GTF2H3: variants seen among roughly 807,000 people sequenced by gnomAD.
GTF2H3 encodes the protein general transcription factor IIH subunit 3, also known as TFIIH basal transcription factor complex p34 subunit.
Under a neutral mutation model 51.1 loss-of-function variants are expected in GTF2H3, and 42 were observed. The ratio of observed to expected loss-of-function variants is 0.82; its 90% CI spans 0.64 to 1.06. The LOEUF is 1.06. Ranked by LOEUF, GTF2H3 falls within the 50% of genes least tolerant of loss-of-function variation. GTF2H3 has a pLI of 0.00. For synonymous variants in GTF2H3, 123 were observed against 123.8 expected, an observed-to-expected ratio of 0.99 and a Z score of 0.04; for missense variants, 326 against 366.1, an observed-to-expected ratio of 0.89 and a Z score of 0.89.
intron 9 of GTF2H3, among the ~76,000 whole-genome samples, chr12:123,658,995 C>T (rs1203953840): frequency 1.3e-5 from 2 of 152,116 alleles, no homozygotes; most frequent in Admixed American, 6.5e-5. Flanking sequence ...AAATCAAAAC[C>T]ACAATGAGCT....
rs902990916 is a variant in GTF2H3, at chr12:123,661,210, A to T, written c.*975A>T. On this transcript the variant is annotated 3_prime_UTR_variant, in exon 13 of 13. Transcript: ENST00000543341. The stretch of plus-strand genomic sequence containing the variant: ...AAAAGTGTTTATAAGTTCAAAAGCA[A>T]AAGTATTTGTAATTTCAACAACAAA... 3.3e-5 allele frequency: 5 copies of T among 152,240 alleles called. No homozygotes were observed. Among genetic ancestry groups the T allele is most frequent in the African/African-American group, 1.2e-4 (5 of 41,468 alleles). The allele number at this position is 152,240 out of a possible 1,614,324, so 9.4% of individuals were successfully genotyped here. A position where few individuals can be genotyped will look rare whatever the true frequency, so the allele number is the denominator to read the frequency against.
intron 1 of GTF2H3, among the ~76,000 whole-genome samples, chr12:123,638,553 G>C (rs1450414732): frequency 1.3e-5 from 2 of 152,098 alleles, no homozygotes; most frequent in Middle Eastern, 3.4e-3. Context: ...CAAGCCATCT[G>C]CCTGTCTTGG....
intron 8 of GTF2H3, 88 bp downstream of exon 8, chr12:123,655,086 G>T: frequency 2.1e-6 from 2 of 963,866 alleles, no homozygotes; most frequent in South Asian, 2.6e-5. Flanking sequence ...GAGGTATTCT[G>T]ACTACGTAGG....
chr12:123,645,242 G>GT (rs1215263921), intron 2 of GTF2H3, among the ~76,000 whole-genome samples: 5 of 151,648 alleles, frequency 3.3e-5, no homozygotes, highest in Non-Finnish European at 5.9e-5. Context: ...AGCTAGTTTT[G>GT]TTTTTTTTAT....
Position 123,648,020 on chromosome 12 carries a change from C to T in GTF2H3, c.258C>T (p.Gly86=), listed in dbSNP as rs773923878. 2.8e-5 allele frequency: 45 copies of T among 1,612,188 alleles called. No homozygotes were observed. The highest frequency in any genetic ancestry group is 3.3e-4 in the Middle Eastern group (2 of 6,084). Residue 86 remains glycine (G), a synonymous_variant, in exon 4 of 13, where the codon GGC becomes GGT. Coordinates refer to ENST00000543341, the MANE Select transcript of GTF2H3 (RefSeq NM_001516.5). ...TTGGAGACTTCTTCGGAGACCCTGG[C>T]AACCCTCCTGAATTTAATCCCTCTG... ...GRLGDFFGDP[G]NPPEFNPSGS...
chr12:123,652,525 A>G lies in GTF2H3; in HGVS notation c.428-7A>G. ...ATTTTTGTATTCCTTAATGTTAAGA[A>G]ATTAAGACATTCATAGAATGAACAA... On this transcript the variant is annotated splice_region_variant and splice_polypyrimidine_tract_variant and intron_variant, in intron 5 of 12. Transcript: ENST00000543341. 7.1e-7 allele frequency: 1 copy of G among 1,400,954 alleles called. No individual in the cohort carries two copies. The highest frequency in any genetic ancestry group is 9.9e-7 in the Non-Finnish European group (1 of 1,012,882). The allele number at this position is 1,400,954 out of a possible 1,614,324, so 86.8% of individuals were successfully genotyped here.
chr12:123,656,793 AAAAT>A (rs1363367553), intron 9 of GTF2H3, among the ~76,000 whole-genome samples: 1 of 152,190 alleles, frequency 6.6e-6, no homozygotes, highest in Non-Finnish European at 1.5e-5. Flanking sequence ...TTCTGCCTTT[AAAAT>A]ATATCCTGGC....
chr12:123,641,178 A>C (rs11572938), intron 2 of GTF2H3, among the ~76,000 whole-genome samples: 1,683 of 152,238 alleles, frequency 0.011, 14 homozygotes, highest in South Asian at 0.031. Context: ...AAAAATAAAA[A>C]AATTATCGAG....
Position 123,656,033 on chromosome 12 carries a change from C to T in GTF2H3, c.615+209C>T, listed in dbSNP as rs184659950. ...CTTGCGTTATATTTCCGTTGGGCAG[C>T]ACTAAAAGACAAAAACTGAATTTTA... On this transcript the variant is annotated intron_variant, in intron 9 of 12. Coordinates refer to ENST00000543341, the MANE Select transcript of GTF2H3 (RefSeq NM_001516.5). The T allele has an allele frequency of 3.1e-5, 13 of 418,668 alleles. No homozygotes were observed. The East Asian group carries it at 4.7e-4, about 15-fold the overall frequency. 25.9% of individuals were successfully genotyped at this position (418,668 alleles called of 1,614,324 possible).
At chr12:123,649,506 T>C (rs901073873) in intron 4 of GTF2H3, 1 of 152,268 alleles carries the variant, frequency 6.6e-6, no homozygotes, top group African/African-American at 2.4e-5. Context: ...TAGATTGTTA[T>C]AGCCTCTAAC....
chr12:123,655,488 T>G, intron 8 of GTF2H3: 1 of 384,340 alleles, frequency 2.6e-6, no homozygotes. Context: ...TAGCCATGCA[T>G]AATGTTCTCT....
In GTF2H3 at chr12:123,643,776, C is replaced by T. The variant is rs11572942; in HGVS notation, c.94-1679C>T. Among the ~76,000 whole-genome samples, 384 of 152,108 alleles carry T rather than the reference C, an allele frequency of 2.5e-3. 2 individuals carry two copies. Among genetic ancestry groups the T allele is most frequent in the Middle Eastern group, 0.01 (3 of 294 alleles). On this transcript the variant is annotated intron_variant, in intron 2 of 12. Transcript: ENST00000543341. Reference sequence around the variant, plus strand: ...CACTTTTATTTATATTGTCACTTTTCGCCAATTAGAAATTTTAATAGATTT... The same window carrying T: ...CACTTTTATTTATATTGTCACTTTTTGCCAATTAGAAATTTTAATAGATTT...
At chr12:123,651,257 T>G (rs963486822) in intron 5 of GTF2H3, 4 of 420,484 alleles carry the variant, frequency 9.5e-6, no homozygotes, top group South Asian at 8.0e-5. Flanking sequence ...GTCGCCCAAG[T>G]TGGAGTGCAG....
rs1331838751 is a variant in GTF2H3 at position 123,654,966 on chromosome 12, T to C, written c.529T>C (p.Phe177Leu). The C allele has an allele frequency of 1.2e-6, 2 of 1,613,270 alleles. No homozygotes were observed. Among genetic ancestry groups the C allele is most frequent in the Non-Finnish European group, 1.7e-6 (2 of 1,179,204 alleles). ...AEDSALQYMN[F>L]MNVIFAAQKQ... The stretch of plus-strand genomic sequence containing the variant: ...AGACAGTGCGTTGCAGTATATGAAC[T>C]TCATGAATGTCATCTTTGCAGCACA... Residue 177 changes from phenylalanine (F) to leucine (L), a missense_variant, in exon 8 of 13, where the codon TTC (phenylalanine) becomes CTC (leucine). By Grantham distance (22) the Phe-to-Leu change is conservative. Transcript: ENST00000543341.
chr12:123,649,892 G>T (rs192848593), intron 4 of GTF2H3: 4 of 152,326 alleles, frequency 2.6e-5, no homozygotes, highest in Non-Finnish European at 5.9e-5. Context: ...AGAATTTATG[G>T]TTTGTACATT....
rs141727968 is a variant in GTF2H3 at position 123,645,473 on chromosome 12, A to G, written c.112A>G (p.Ile38Val). ...KESQFTLSKC[I>V]DAVMVLGNSH... ...CCAACAGTTCACTTTATCCAAATGC[A>G]TAGATGCCGTGATGGTGCTGGGAAA... Residue 38 changes from isoleucine (I) to valine (V), a missense_variant, in exon 3 of 13, where the codon ATA (isoleucine) becomes GTA (valine). By Grantham distance (29) the Ile-to-Val change is conservative. Transcript: ENST00000543341. 1.1e-5 allele frequency: 18 copies of G among 1,596,906 alleles called. No homozygotes were observed. The African/African-American group carries it at 1.3e-4, about 12-fold the overall frequency.
rs1410546499 is a variant in GTF2H3 at position 123,650,975 on chromosome 12, T to A, written c.365-19T>A. ...AAAGTACTTAAAAATTCCCTTTTAA[T>A]GTTTTCTGTTATTTGCAGGTGACAT... On this transcript the variant is annotated intron_variant, in intron 4 of 12. Transcript: ENST00000543341. 1.3e-6 allele frequency: 2 copies of A among 1,589,488 alleles called. No homozygotes were observed. Among genetic ancestry groups the A allele is most frequent in the Admixed American group, 3.3e-5 (2 of 59,940 alleles).
chr12:123,647,888 G>T, intron 3 of GTF2H3, 75 bp from the exon 4 acceptor site: 3 of 995,460 alleles, frequency 3.0e-6, no homozygotes, highest in South Asian at 2.5e-5. Flanking sequence ...TGCCTCTGCT[G>T]AATTTCATTC....
At chr12:123,644,802 G>A (rs560667367) in intron 2 of GTF2H3, among the ~76,000 whole-genome samples, 2 of 152,258 alleles carry the variant, frequency 1.3e-5, no homozygotes, top group South Asian at 4.1e-4. Flanking sequence ...AATTGTAAAG[G>A]TCTCCAGTGT....
Sources: gnomAD v4.1 joint callset for allele counts (sites outside exome capture counted in the v4.1 genomes callset) on GRCh38, gnomAD v4.1.1 for gene constraint, MANE v1.5 for transcripts, NCBI Gene and HGNC (gene_info 2026-07-23, HGNC 2026-07-21) for gene names.